The following DPP3 variants were observed in gnomAD, a reference collection of about 807,000 sequenced individuals.
DPP3 encodes the protein DPP III.
Under a neutral mutation model 89.8 loss-of-function variants are expected in DPP3, and 64 were observed. The ratio of observed to expected loss-of-function variants is 0.71; its 90% CI spans 0.58 to 0.88. DPP3 has a LOEUF of 0.88. Ranked by LOEUF, DPP3 falls within the 40% of genes least tolerant of loss-of-function variation. The pLI is 0.00. For missense variants in DPP3, 835 were observed against 972.5 expected (o/e 0.86, Z 1.88); for synonymous variants, 377 against 404.3 (o/e 0.93, Z 0.81).
rs183763501 is a variant in DPP3 at position 66,493,481 on chromosome 11, G to A, written c.1297-60G>A. 2.3e-4 allele frequency: 356 copies of A among 1,563,314 alleles called. 6 individuals are homozygous for A. The East Asian group carries it at 3.0e-3, about 13-fold the overall frequency. ...TCCATGGCCCAGGGGAGGGGAGGCC[G>A]ACAGGCTGTATAGCCAGGGCTGGCC... On this transcript the variant is annotated intron_variant, in intron 11 of 17. Coordinates refer to ENST00000531863, the MANE Select transcript of DPP3 (RefSeq NM_130443.4).
rs113853030 is a variant in DPP3 at position 66,485,912 on chromosome 11, ATTTTCTTTTCTTTTC to A, written c.361-598_361-584del. On this transcript the variant is annotated intron_variant, in intron 3 of 17. Transcript: ENST00000531863. ...GGGTATGCAGCACCACACCAGCTAA[ATTTTCTTTTCTTTTC>A]TTTTCTTTTCTTTTCTTTTCTTTTC... Among the ~76,000 whole-genome samples, 296 of 144,474 alleles carry A rather than the reference ATTTTCTTTTCTTTTC, an allele frequency of 2.0e-3. 1 individual carries two copies. Among genetic ancestry groups the A allele is most frequent in the Middle Eastern group, 3.5e-3 (1 of 286 alleles). 94.8% of individuals were successfully genotyped at this position (144,474 alleles called of 152,430 possible). A position where few individuals can be genotyped will look rare whatever the true frequency, so the allele number is the denominator to read the frequency against.
intron 12 of DPP3, among the ~76,000 whole-genome samples, chr11:66,494,086 G>A (rs1855470356): frequency 6.6e-6 from 1 of 152,164 alleles, no homozygotes. Context: ...TGTTTGCGCT[G>A]CTGTTCCGTG....
At chr11:66,500,497 G>A (rs1220881750) in intron 16 of DPP3, among the ~76,000 whole-genome samples, 6 of 152,112 alleles carry the variant, frequency 3.9e-5, no homozygotes, top group Admixed American at 3.9e-4. Flanking sequence ...TTAGTAATTA[G>A]GCAACCTCAA....
intron 1 of DPP3, among the ~76,000 whole-genome samples, chr11:66,481,605 G>A (rs996060611): frequency 2.6e-5 from 4 of 152,088 alleles, no homozygotes. Flanking sequence ...TAGCCTCTCT[G>A]AACCTCAGTT....
At position 66,492,749 on chromosome 11, in the gene DPP3, C is replaced by A; in HGVS notation, c.1022C>A (p.Ala341Asp). ...GCTGTGGTGAACAAGGCCATGAGTGCCAAGTTTGAGCGGCTGGTGGCGAGC... is the reference window on the plus strand; with the variant it reads ...GCTGTGGTGAACAAGGCCATGAGTGACAAGTTTGAGCGGCTGGTGGCGAGC... ...FVAVVNKAMS[A>D]KFERLVASAE... is the part of the protein sequence containing the mutation. Residue 341 changes from alanine (A) to aspartate (D), a missense_variant, in exon 10 of 18, where the codon GCC (alanine) becomes GAC (aspartate). Transcript: ENST00000531863. 1 of 1,609,930 alleles carries A rather than the reference C, an allele frequency of 6.2e-7. No individual in the cohort carries two copies. Among genetic ancestry groups the A allele is most frequent in the Non-Finnish European group, 8.5e-7 (1 of 1,178,176 alleles).
intron 11 of DPP3, 96 bp downstream of exon 11, chr11:66,493,275 T>G: frequency 9.1e-7 from 1 of 1,094,692 alleles, no homozygotes. Context: ...GGAAAGCACA[T>G]AGCTTCAGTC....
intron 17 of DPP3, among the ~76,000 whole-genome samples, chr11:66,506,043 G>A (rs567729326): frequency 1.3e-5 from 2 of 152,202 alleles, no homozygotes; most frequent in African/African-American, 2.4e-5. Context: ...TCCGCCTCTG[G>A]GTTCAAGCGA....
intron 16 of DPP3, among the ~76,000 whole-genome samples, chr11:66,498,527 C>T (rs931701758): frequency 5.9e-5 from 9 of 152,172 alleles, no homozygotes; most frequent in African/African-American, 2.2e-4. Context: ...CTGTGCCCAG[C>T]CAGGACATCT....
chr11:66,480,722 C>A, intron 1 of DPP3: 2 of 381,834 alleles, frequency 5.2e-6, no homozygotes, highest in Non-Finnish European at 9.2e-6. Flanking sequence ...CTGTCCCAGC[C>A]GGGACGGGGC....
chr11:66,492,187 C>A (rs1173185591), intron 9 of DPP3, among the ~76,000 whole-genome samples: 1 of 152,234 alleles, frequency 6.6e-6, no homozygotes, highest in Non-Finnish European at 1.5e-5. Flanking sequence ...GATTAGGATG[C>A]AGACTGCTGC....
chr11:66,502,066 A>T (rs747804076), intron 16 of DPP3, among the ~76,000 whole-genome samples: 79 of 146,756 alleles, frequency 5.4e-4, no homozygotes, highest in Non-Finnish European at 3.2e-4. Flanking sequence ...GGTGGTGCAC[A>T]CCTGTAGTCC....
chr11:66,504,644 G>A lies in DPP3; in HGVS notation c.1911G>A (p.Gly637=). The change falls in exon 17 of 18, where the codon GGG becomes GGA. Residue 637 remains glycine (G), a synonymous_variant. Transcript: ENST00000531863. ...VLKSTGDVAG[G]RALYEGYATV... ...AGTCCACAGGGGATGTGGCCGGAGG[G>A]CGGGCCCTGTACGAGGGGTATGCAA... The A allele has an allele frequency of 6.2e-7, 1 of 1,612,900 alleles. No individual in the cohort carries two copies.
At chr11:66,495,603 C>T in intron 14 of DPP3, 27 bp from the exon 15 acceptor site, 1 of 1,614,038 alleles carries the variant, frequency 6.2e-7, no homozygotes, top group Non-Finnish European at 8.5e-7. Flanking sequence ...CTCTGACCAT[C>T]CTGCCACCTG....
chr11:66,483,072 C>A, intron 2 of DPP3: 1 of 148,562 alleles, frequency 6.7e-6, no homozygotes. Context: ...GTCACCCAGG[C>A]TGGAGTGCAG....
At chr11:66,495,993 A>C (rs1453853715) in intron 15 of DPP3, among the ~76,000 whole-genome samples, 2 of 151,876 alleles carry the variant, frequency 1.3e-5, no homozygotes, top group African/African-American at 4.8e-5. Flanking sequence ...CTTTATTAGG[A>C]CTCCTCGCAG....
Position 66,495,249 on chromosome 11 carries a change from A to C in DPP3, c.1433A>C (p.Asn478Thr), listed in dbSNP as rs1476530754. 2 of 1,612,946 alleles carry C rather than the reference A, an allele frequency of 1.2e-6. No individual in the cohort carries two copies. Among genetic ancestry groups the C allele is most frequent in the Admixed American group, 3.3e-5 (2 of 60,030 alleles). Residue 478 changes from asparagine (N) to threonine (T), a missense_variant, in exon 13 of 18, where the codon AAC (asparagine) becomes ACC (threonine). Coordinates refer to ENST00000531863, the MANE Select transcript of DPP3 (RefSeq NM_130443.4). ...AFNFDQETVI[N>T]PETGEQIQSW... ...AACTTTGACCAGGAAACAGTGATCA[A>C]CCCAGAGACGGGCGAGCAGGTGAGG...
intron 5 of DPP3, 61 bp downstream of exon 5, chr11:66,487,403 C>G (rs1335421052): frequency 6.4e-7 from 1 of 1,553,234 alleles, no homozygotes; most frequent in South Asian, 1.1e-5. Context: ...TCCCAGCCCC[C>G]TCACAACTGG....
Position 66,480,764 on chromosome 11 carries a change from C to T in DPP3, c.-9+299C>T, listed in dbSNP as rs950037857. 4 of 336,872 alleles carry T rather than the reference C, an allele frequency of 1.2e-5. No individual in the cohort carries two copies. The East Asian group carries it at 1.4e-4, about 12-fold the overall frequency. 20.9% of individuals were successfully genotyped at this position (336,872 alleles called of 1,614,324 possible). On this transcript the variant is annotated intron_variant, in intron 1 of 17. Coordinates refer to ENST00000531863, the MANE Select transcript of DPP3 (RefSeq NM_130443.4). Reference sequence around the variant, plus strand: ...GGGAGAATGCCCCGGGTTGGGGAATCCCCGGGTTCCAACGGGGCTGTCAGA... The same window carrying T: ...GGGAGAATGCCCCGGGTTGGGGAATTCCCGGGTTCCAACGGGGCTGTCAGA...
chr11:66,487,783 C>T, intron 5 of DPP3, 131 bp from the exon 6 acceptor site: 2 of 766,840 alleles, frequency 2.6e-6, no homozygotes, highest in Middle Eastern at 2.4e-4. Flanking sequence ...CACTCCTGCT[C>T]CCAGCCAACC....
Sources: allele counts gnomAD v4.1 joint callset (sites outside exome capture counted in the v4.1 genomes callset), GRCh38; gene constraint gnomAD v4.1.1; transcripts MANE v1.5; gene names NCBI Gene and HGNC (gene_info 2026-07-23, HGNC 2026-07-21).